TAFA2: variants seen among roughly 807,000 people sequenced by gnomAD.
The protein encoded by TAFA2 is TAFA chemokine like family member 2.
TAFA2 carries 7 observed loss-of-function variants against 18.8 expected under a neutral mutation model. The ratio of observed to expected loss-of-function variants is 0.37; its 90% CI spans 0.21 to 0.70. The LOEUF (loss-of-function observed/expected upper bound fraction) is 0.70. TAFA2 is among the 30% of genes least tolerant of loss of function. TAFA2 has a pLI of 0.53. For synonymous variants in TAFA2, 60 were observed against 54.2 expected (o/e 1.11, Z -0.47); for missense variants, 122 against 158.1 (o/e 0.77, Z 1.23).
At chr12:61,789,856 C>A (rs918089129) in intron 2 of TAFA2, among the ~76,000 whole-genome samples, 1 of 151,762 alleles carries the variant, frequency 6.6e-6, no homozygotes, top group Non-Finnish European at 1.5e-5. Flanking sequence ...TATTTCCAAA[C>A]CCATTCTGCA....
intron 1 of TAFA2, chr12:61,880,096 C>T (rs1565667130): frequency 1.6e-6 from 1 of 636,548 alleles, no homozygotes; most frequent in Non-Finnish European, 2.9e-6. Context: ...ACATGGACAA[C>T]ATCATCACTG....
chr12:62,103,103 A>G (rs1348527), intron 1 of TAFA2, among the ~76,000 whole-genome samples: 36,696 of 152,110 alleles, frequency 0.24, 4,685 homozygotes, highest in East Asian at 0.4. Context: ...CACTCAGAAA[A>G]GTTGAAGAAA....
At chr12:62,039,970 G>T (rs1040574262) in intron 1 of TAFA2, among the ~76,000 whole-genome samples, 12 of 152,102 alleles carry the variant, frequency 7.9e-5, no homozygotes, top group African/African-American at 2.7e-4. Context: ...CATTCCTCCG[G>T]TTGATTTTTC....
At chr12:62,050,526 A>G (rs1013067558) in intron 1 of TAFA2, among the ~76,000 whole-genome samples, 2 of 151,656 alleles carry the variant, frequency 1.3e-5, no homozygotes, top group African/African-American at 4.8e-5. Context: ...GAGCCGAGAT[A>G]GTGCCACTGC....
At chr12:62,079,694 T>C (rs934596198) in intron 1 of TAFA2, among the ~76,000 whole-genome samples, 1 of 151,958 alleles carries the variant, frequency 6.6e-6, no homozygotes, top group African/African-American at 2.4e-5. Flanking sequence ...AACAGCATGT[T>C]GTTACTAAAT....
chr12:61,772,788 G>A (rs772258951), intron 2 of TAFA2, among the ~76,000 whole-genome samples: 7 of 151,804 alleles, frequency 4.6e-5, no homozygotes, highest in Non-Finnish European at 7.4e-5. Flanking sequence ...CACTCCCCCT[G>A]AGAACTGGAA....
At chr12:61,787,215 G>T (rs1870776397) in intron 2 of TAFA2, among the ~76,000 whole-genome samples, 1 of 150,922 alleles carries the variant, frequency 6.6e-6, no homozygotes, top group South Asian at 2.1e-4. Flanking sequence ...ACTCAACAAA[G>T]CTATCCTTCA....
At chr12:61,993,588 A>T (rs995486720) in intron 1 of TAFA2, among the ~76,000 whole-genome samples, 1 of 152,144 alleles carries the variant, frequency 6.6e-6, no homozygotes, top group Non-Finnish European at 1.5e-5. Context: ...TAGTGTTGCC[A>T]TTCAGAAATT....
In TAFA2 at chr12:61,887,474, T is replaced by G. The variant is rs1315152021; in HGVS notation, c.-1-20048A>C. On this transcript the variant is annotated intron_variant, in intron 1 of 4. Transcript: ENST00000416284. ...TATACTTTAAGTTTTAGGGTACATG[T>G]GCACATTGTGCAGGTTAGTTACATA... Among the ~76,000 whole-genome samples the G allele has an allele frequency of 2.0e-5, 3 of 152,106 alleles. No homozygotes were observed. In the East Asian group the frequency reaches 5.8e-4, roughly 29 times the overall value.
intron 2 of TAFA2, among the ~76,000 whole-genome samples, chr12:61,771,303 A>G (rs1870013681): frequency 6.6e-6 from 1 of 152,030 alleles, no homozygotes; most frequent in Non-Finnish European, 1.5e-5. Flanking sequence ...TACTCCACTG[A>G]CAGCACTAGA....
At chr12:62,162,269 T>C (rs890491927) in intron 1 of TAFA2, among the ~76,000 whole-genome samples, 3 of 152,188 alleles carry the variant, frequency 2.0e-5, no homozygotes, top group African/African-American at 7.2e-5. Flanking sequence ...CATAAATATG[T>C]GAGAAATTTA....
At chr12:62,067,861 A>G (rs1357535733) in intron 1 of TAFA2, among the ~76,000 whole-genome samples, 1 of 152,054 alleles carries the variant, frequency 6.6e-6, no homozygotes, top group Non-Finnish European at 1.5e-5. Context: ...AAAACATCAG[A>G]CTTCACAATT....
intron 1 of TAFA2, among the ~76,000 whole-genome samples, chr12:62,047,609 T>C (rs2136769011): frequency 6.6e-6 from 1 of 152,334 alleles, no homozygotes; most frequent in South Asian, 2.1e-4. Flanking sequence ...TTATCCAAAG[T>C]GTTAGTTTGC....
intron 4 of TAFA2, among the ~76,000 whole-genome samples, chr12:61,746,232 C>T (rs1473708968): frequency 1.3e-5 from 2 of 152,030 alleles, no homozygotes; most frequent in Non-Finnish European, 2.9e-5. Flanking sequence ...ATTTCCCTTG[C>T]TTGCACTCAC....
chr12:61,964,026 A>C (rs1878983944), intron 1 of TAFA2, among the ~76,000 whole-genome samples: 1 of 152,040 alleles, frequency 6.6e-6, no homozygotes, highest in African/African-American at 2.4e-5. Context: ...AGCCATATGC[A>C]GAAAACTAAA....
chr12:62,250,256 T>C (rs2062906425), intron 1 of TAFA2, among the ~76,000 whole-genome samples: 1 of 152,230 alleles, frequency 6.6e-6, no homozygotes, highest in Non-Finnish European at 1.5e-5. Flanking sequence ...GATGATATTC[T>C]GGCATATATT....
In TAFA2 at chr12:62,049,849, A is replaced by G. The variant is rs1186624529; in HGVS notation, c.-2+141410T>C. On this transcript the variant is annotated intron_variant, in intron 1 of 4. Coordinates refer to ENST00000416284, the MANE Select transcript of TAFA2 (RefSeq NM_178539.5). The stretch of plus-strand genomic sequence containing the variant: ...GCCAAGAAATTGCAGAACAAAGATC[A>G]ACTCTCTGAACTGAGCACATCAGCA... 2.6e-5 allele frequency among the ~76,000 whole-genome samples: 4 copies of G among 152,224 alleles called. No homozygotes were observed. The East Asian group carries it at 7.7e-4, about 29-fold the overall frequency.
intron 2 of TAFA2, among the ~76,000 whole-genome samples, chr12:61,763,310 T>C (rs1393323823): frequency 1.3e-5 from 2 of 151,940 alleles, no homozygotes; most frequent in African/African-American, 2.4e-5. Flanking sequence ...GAAAGGATAA[T>C]ATCCATAAAA....
chr12:62,089,465 A>T (rs2136831716), intron 1 of TAFA2, among the ~76,000 whole-genome samples: 1 of 152,078 alleles, frequency 6.6e-6, no homozygotes, highest in African/African-American at 2.4e-5. Flanking sequence ...ATTTTTTTTA[A>T]ATTTCAGTAA....
Sources: allele counts gnomAD v4.1 joint callset (sites outside exome capture counted in the v4.1 genomes callset), GRCh38; gene constraint gnomAD v4.1.1; transcripts MANE v1.5; gene names NCBI Gene and HGNC (gene_info 2026-07-23, HGNC 2026-07-21).